GPR149: variants seen among roughly 807,000 people sequenced by gnomAD.
GPR149 encodes G protein-coupled receptor 149.
GPR149 carries 50 observed loss-of-function variants against 50.2 expected under a neutral mutation model. The observed-to-expected ratio is 1.00, with a 90% CI of 0.79 to 1.26. GPR149 has a LOEUF of 1.26. GPR149 is among the 50% of genes most tolerant of loss of function. GPR149 has a pLI of 0.00. For synonymous variants in GPR149, 405 were observed against 358.2 expected (o/e 1.13, Z -1.48); for missense variants, 983 against 895.4 (o/e 1.10, Z -1.25).
intron 3 of GPR149, among the ~76,000 whole-genome samples, chr3:154,374,597 G>T (rs1459215971): frequency 6.6e-6 from 1 of 152,066 alleles, no homozygotes; most frequent in Non-Finnish European, 1.5e-5. Flanking sequence ...TAGTCAAAAT[G>T]CATAAAAATT....
At chr3:154,363,122 T>C (rs1346831763) in intron 3 of GPR149, among the ~76,000 whole-genome samples, 2 of 151,770 alleles carry the variant, frequency 1.3e-5, no homozygotes, top group African/African-American at 4.8e-5. Flanking sequence ...TGAGGGGAGA[T>C]GAAACCACAG....
chr3:154,353,186 T>C (rs1051174485), intron 3 of GPR149: 10 of 1,533,000 alleles, frequency 6.5e-6, no homozygotes, highest in Non-Finnish European at 9.0e-6. Context: ...CACTGTAGAC[T>C]TGAAGGACAT....
rs772757203 is a variant in GPR149 at position 154,428,849 on chromosome 3, G to A, written c.767C>T (p.Ala256Val). The A allele has an allele frequency of 1.1e-5, 17 of 1,613,772 alleles. No homozygotes were observed. The Admixed American group carries it at 2.3e-4, about 22-fold the overall frequency. The change falls in exon 1 of 4, where the codon GCT becomes GTT. Residue 256 changes from alanine (A) to valine (V), a missense_variant. Physicochemically the swap from Ala to Val is moderately conservative, Grantham distance 64. Coordinates refer to ENST00000389740, the MANE Select transcript of GPR149 (RefSeq NM_001038705.3). The part of the protein sequence containing the change: ...GRVVSLSPED[A>V]PGPSLRRSGG... Reference sequence around the variant, plus strand: ...AGAGCGCCGCAGACTCGGGCCTGGAGCATCCTCTGGGGACAGGGAAACCAC... The same window carrying A: ...AGAGCGCCGCAGACTCGGGCCTGGAACATCCTCTGGGGACAGGGAAACCAC...
In GPR149 at chr3:154,429,455, G is replaced by A; in HGVS notation, c.161C>T (p.Ser54Leu). ...TFAALVGSIY[S>L]LISLLKMQNR... is the part of the protein sequence containing the mutation. ...CTGCATTTTCAGCAGGGAAATTAGT[G>A]AATAAATGCTGCCCACCAAGGCTGC... Residue 54 changes from serine (S) to leucine (L), a missense_variant, in exon 1 of 4, where the codon TCA becomes TTA. Coordinates refer to ENST00000389740, the MANE Select transcript of GPR149 (RefSeq NM_001038705.3). The A allele has an allele frequency of 6.2e-7, 1 of 1,614,146 alleles. No homozygotes were observed. Among genetic ancestry groups the A allele is most frequent in the African/African-American group, 1.3e-5 (1 of 75,034 alleles).
Position 154,356,432 on chromosome 3 carries a change from C to T in GPR149, c.1624-18161G>A, listed in dbSNP as rs147639597. 1.3e-4 allele frequency among the ~76,000 whole-genome samples: 20 copies of T among 152,206 alleles called. No individual in the cohort carries two copies. In the East Asian group the frequency reaches 3.7e-3, roughly 28 times the overall value. On this transcript the variant is annotated intron_variant, in intron 3 of 3. Transcript: ENST00000389740. Reference sequence around the variant, plus strand: ...GACATGATTGTATATCTAGAAATCCCCATCGTCTCAGCCCAAAATCTTCTT... The same window carrying T: ...GACATGATTGTATATCTAGAAATCCTCATCGTCTCAGCCCAAAATCTTCTT...
intron 2 of GPR149, among the ~76,000 whole-genome samples, chr3:154,425,105 A>C (rs951043479): frequency 6.6e-5 from 10 of 152,156 alleles, no homozygotes; most frequent in Non-Finnish European, 1.2e-4. Context: ...CACTAGTAGT[A>C]CAGATTCTTG....
intron 2 of GPR149, among the ~76,000 whole-genome samples, chr3:154,422,403 A>G (rs917470596): frequency 4.0e-5 from 6 of 151,710 alleles, no homozygotes; most frequent in Non-Finnish European, 7.4e-5. Context: ...ACAAGATATA[A>G]TTTAATGTTT....
chr3:154,389,865 A>C (rs2872337), intron 3 of GPR149, among the ~76,000 whole-genome samples: 117,548 of 152,126 alleles, frequency 0.77, 46,362 homozygotes, highest in Middle Eastern at 0.91. Flanking sequence ...TCCCTTGCTC[A>C]ATGCAAAGTG....
intron 3 of GPR149, among the ~76,000 whole-genome samples, chr3:154,386,563 A>T (rs1298201703): frequency 6.6e-6 from 1 of 152,212 alleles, no homozygotes; most frequent in Non-Finnish European, 1.5e-5. Flanking sequence ...CTGCACAGGA[A>T]GCCCTTTGTA....
In GPR149 at chr3:154,357,209, G is replaced by T. The variant is rs1714257131; in HGVS notation, c.1624-18938C>A. Among the ~76,000 whole-genome samples, 3 of 152,006 alleles carry T rather than the reference G, an allele frequency of 2.0e-5. No homozygotes were observed. The South Asian group carries it at 6.2e-4, about 32-fold the overall frequency. On this transcript the variant is annotated intron_variant, in intron 3 of 3. Transcript: ENST00000389740. Reference sequence around the variant, plus strand: ...AGATGGATTAAAGACTTAAATGTTAGACCTGAAACCATAAAAACCCTAGAA... The same window carrying T: ...AGATGGATTAAAGACTTAAATGTTATACCTGAAACCATAAAAACCCTAGAA...
intron 3 of GPR149, among the ~76,000 whole-genome samples, chr3:154,393,384 C>T (rs1606881): frequency 0.21 from 32,084 of 151,948 alleles, 4,059 homozygotes; most frequent in South Asian, 0.32. Flanking sequence ...AACATCCTTT[C>T]ATGTTAAAAA....
intron 3 of GPR149, among the ~76,000 whole-genome samples, chr3:154,376,020 C>A (rs1429389037): frequency 2.0e-5 from 3 of 152,182 alleles, no homozygotes; most frequent in Non-Finnish European, 4.4e-5. Flanking sequence ...TGAATTATAC[C>A]ACTGGCTTTC....
At chr3:154,375,205 C>T (rs1273403668) in intron 3 of GPR149, among the ~76,000 whole-genome samples, 2 of 152,266 alleles carry the variant, frequency 1.3e-5, no homozygotes, top group East Asian at 3.9e-4. Flanking sequence ...GAAACATTAC[C>T]TTCAAAAATT....
At chr3:154,372,370 C>T (rs1026916371) in intron 3 of GPR149, among the ~76,000 whole-genome samples, 4 of 152,160 alleles carry the variant, frequency 2.6e-5, no homozygotes, top group African/African-American at 9.7e-5. Context: ...CTCCCTCTCT[C>T]CCTTCCGCCC....
At chr3:154,344,866 A>T (rs138095761) in intron 3 of GPR149, among the ~76,000 whole-genome samples, 1 of 152,210 alleles carries the variant, frequency 6.6e-6, no homozygotes, top group Non-Finnish European at 1.5e-5. Context: ...GTTTTCAACC[A>T]TCTTAATTTG....
chr3:154,362,294 A>AC (rs1374260555), intron 3 of GPR149, among the ~76,000 whole-genome samples: 1 of 151,114 alleles, frequency 6.6e-6, no homozygotes, highest in Admixed American at 6.6e-5. Context: ...GTCTCAAAAA[A>AC]AAAAAAAAAA....
At chr3:154,420,843 T>C (rs1226067261) in intron 3 of GPR149, among the ~76,000 whole-genome samples, 196 bp downstream of exon 3, 1 of 151,962 alleles carries the variant, frequency 6.6e-6, no homozygotes, top group East Asian at 1.9e-4. Flanking sequence ...AATGTATAGA[T>C]TTTAAACTGA....
intron 1 of GPR149, among the ~76,000 whole-genome samples, chr3:154,427,947 A>G (rs896184574): frequency 6.6e-6 from 1 of 152,142 alleles, no homozygotes; most frequent in South Asian, 2.1e-4. Flanking sequence ...CCCGCTGCCT[A>G]TTCAAGACTC....
rs1477992254 is a variant in GPR149, at chr3:154,338,089, G to C, written c.1806C>G (p.Asn602Lys). 6.2e-7 allele frequency: 1 copy of C among 1,614,030 alleles called. No individual in the cohort carries two copies. Among genetic ancestry groups the C allele is most frequent in the Non-Finnish European group, 8.5e-7 (1 of 1,180,030 alleles). The change falls in exon 4 of 4, where the codon AAC becomes AAG. Residue 602 changes from asparagine to lysine, a missense_variant. Physicochemically the swap from Asn to Lys is moderately conservative, Grantham distance 94 (BLOSUM62 0). Transcript: ENST00000389740. Reference protein sequence around the residue: ...YRSKSVGHEPNSEDSSSTFVD... With the variant: ...YRSKSVGHEPKSEDSSSTFVD... ...CAAACGTGGATGAAGAATCTTCTGA[G>C]TTTGGTTCATGGCCAACACTTTTGG...
Sources: allele counts gnomAD v4.1 joint callset (sites outside exome capture counted in the v4.1 genomes callset), GRCh38; gene constraint gnomAD v4.1.1; transcripts MANE v1.5; gene names NCBI Gene and HGNC (gene_info 2026-07-23, HGNC 2026-07-21).